DPP10: variants seen among roughly 807,000 people sequenced by gnomAD.
DPP10 encodes inactive dipeptidyl peptidase 10.
A neutral mutation model predicts 120.9 loss-of-function variants in DPP10; 33 were observed. The observed-to-expected ratio is 0.27, with a 90% CI of 0.21 to 0.37. DPP10 has a LOEUF of 0.37. Among genes scored for constraint, DPP10 ranks in the 10% least tolerant of loss-of-function variants. DPP10 has a pLI of 1.00. For synonymous variants in DPP10, 337 were observed against 326.1 expected (o/e 1.03, Z -0.36); for missense variants, 816 against 942.8 (o/e 0.87, Z 1.76).
intron 1 of DPP10, among the ~76,000 whole-genome samples, chr2:114,727,893 A>G (rs1228986699): frequency 1.3e-5 from 2 of 152,208 alleles, no homozygotes; most frequent in African/African-American, 4.8e-5. Flanking sequence ...TGCGGTCAGC[A>G]CATCACTTAA....
At chr2:115,545,041 C>T (rs143574564) in intron 5 of DPP10, among the ~76,000 whole-genome samples, 108 of 151,684 alleles carry the variant, frequency 7.1e-4, no homozygotes, top group African/African-American at 2.2e-3. Flanking sequence ...TAGAATACCT[C>T]GATTTATTAC....
chr2:114,642,162 C>T (rs1300925380), intron 1 of DPP10, among the ~76,000 whole-genome samples: 2 of 151,850 alleles, frequency 1.3e-5, no homozygotes, highest in East Asian at 1.9e-4. Context: ...TATATACTGG[C>T]ATTTAAAAAA....
chr2:115,449,650 T>C (rs142590481), intron 3 of DPP10, among the ~76,000 whole-genome samples: 3 of 152,206 alleles, frequency 2.0e-5, no homozygotes, highest in Admixed American at 6.5e-5. Context: ...ATGGAGAGAT[T>C]GCATCCTTTG....
intron 1 of DPP10, among the ~76,000 whole-genome samples, chr2:115,247,785 G>C (rs569310755): frequency 1.3e-5 from 2 of 152,278 alleles, no homozygotes; most frequent in South Asian, 4.1e-4. Context: ...GGAAAGAAAT[G>C]TGTTTGAGAA....
chr2:115,018,813 C>T (rs1438405017), intron 1 of DPP10, among the ~76,000 whole-genome samples: 3 of 152,168 alleles, frequency 2.0e-5, no homozygotes, highest in Middle Eastern at 3.4e-3. Context: ...TATACCTATG[C>T]AACAAACCTG....
At chr2:115,511,734 T>TTCTTCTTC (rs1558778689) in intron 4 of DPP10, among the ~76,000 whole-genome samples, 1 of 140,330 alleles carries the variant, frequency 7.1e-6, no homozygotes, top group Admixed American at 7.0e-5. Flanking sequence ...TCTTCTTCTT[T>TTCTTCTTC]TTTTTTTTTT....
intron 3 of DPP10, among the ~76,000 whole-genome samples, chr2:115,471,559 G>A (rs2074718310): frequency 6.7e-6 from 1 of 148,858 alleles, no homozygotes; most frequent in Admixed American, 6.9e-5. Flanking sequence ...AAATGGACCA[G>A]GATTCTTCTT....
In DPP10 at chr2:114,871,242, A is replaced by G. The variant is rs772916980; in HGVS notation, c.60+428404A>G. Among the ~76,000 whole-genome samples the G allele has an allele frequency of 1.6e-3, 236 of 151,262 alleles. 27 individuals carry two copies. The highest frequency in any genetic ancestry group is 6.9e-3 in the Middle Eastern group (2 of 288). On this transcript the variant is annotated intron_variant, in intron 1 of 25. Transcript: ENST00000410059. ...TTTGGAAAAAAATCCATCTTTCTCT[A>G]TTATTGGGGGAAAGAACACTGAAGA...
At chr2:114,917,164 A>G (rs1043334097) in intron 1 of DPP10, among the ~76,000 whole-genome samples, 12 of 152,290 alleles carry the variant, frequency 7.9e-5, no homozygotes, top group African/African-American at 2.6e-4. Flanking sequence ...GAGCATTTCT[A>G]TACACCAATA....
intron 1 of DPP10, among the ~76,000 whole-genome samples, chr2:114,931,427 C>T (rs886909253): frequency 4.6e-5 from 7 of 152,144 alleles, no homozygotes; most frequent in Admixed American, 3.3e-4. Context: ...TGAGGCCATG[C>T]CTTGCTCTTT....
intron 1 of DPP10, among the ~76,000 whole-genome samples, chr2:114,667,320 C>T (rs530940379): frequency 2.6e-5 from 4 of 151,920 alleles, no homozygotes; most frequent in Non-Finnish European, 5.9e-5. Context: ...AAAAGTTATT[C>T]GTGAATTATT....
chr2:114,469,592 G>A (rs1316012071), intron 1 of DPP10, among the ~76,000 whole-genome samples: 1 of 152,058 alleles, frequency 6.6e-6, no homozygotes, highest in Non-Finnish European at 1.5e-5. Context: ...GCTGGGAGTG[G>A]TGGTGCATGC....
rs1233590195 is a variant in DPP10 at position 114,979,079 on chromosome 2, T to C, written c.61-330160T>C. 2.0e-5 allele frequency among the ~76,000 whole-genome samples: 3 copies of C among 152,128 alleles called. No homozygotes were observed. In the East Asian group the frequency reaches 5.8e-4, roughly 29 times the overall value. ...TGAGCAATCTCACCATATAGTTTCA[T>C]TGATCTAACAGCTGATCATATTTTC... On this transcript the variant is annotated intron_variant, in intron 1 of 25. Transcript: ENST00000410059.
chr2:115,254,736 G>C (rs538020647), intron 1 of DPP10, among the ~76,000 whole-genome samples: 1 of 152,126 alleles, frequency 6.6e-6, no homozygotes, highest in African/African-American at 2.4e-5. Context: ...CAGGCCCCAC[G>C]CAAGTCTGAA....
chr2:114,893,270 G>A lies in DPP10; in HGVS notation c.61-415969G>A, dbSNP rs181488592. Among the ~76,000 whole-genome samples, 44 of 152,226 alleles carry A rather than the reference G, an allele frequency of 2.9e-4. No homozygotes were observed. The East Asian group carries it at 6.0e-3, about 21-fold the overall frequency. ...TATTATTTACCATGAAATATATTGC[G>A]TATCTATTATGAGTTAAATACTAAT... On this transcript the variant is annotated intron_variant, in intron 1 of 25. Transcript: ENST00000410059.
intron 1 of DPP10, among the ~76,000 whole-genome samples, chr2:115,147,019 C>T (rs946822594): frequency 4.6e-5 from 7 of 151,986 alleles, no homozygotes; most frequent in African/African-American, 1.7e-4. Context: ...ATACTTTGTG[C>T]TAGGTAAATT....
At chr2:115,325,429 G>C (rs2062303196) in intron 2 of DPP10, among the ~76,000 whole-genome samples, 2 of 152,216 alleles carry the variant, frequency 1.3e-5, no homozygotes, top group South Asian at 4.1e-4. Context: ...AACATCTTTT[G>C]AGACTTGAAT....
intron 1 of DPP10, among the ~76,000 whole-genome samples, chr2:114,504,449 T>C (rs1168045843): frequency 6.6e-6 from 1 of 152,140 alleles, no homozygotes; most frequent in African/African-American, 2.4e-5. Context: ...TGAAAAGTAC[T>C]CCAGCCTGCA....
intron 1 of DPP10, among the ~76,000 whole-genome samples, chr2:115,234,911 C>T (rs1395479356): frequency 2.6e-5 from 4 of 152,062 alleles, no homozygotes; most frequent in Admixed American, 2.6e-4. Flanking sequence ...ACATGAAAGT[C>T]GGCTCTTGCT....
Sources: allele counts gnomAD v4.1 joint callset (sites outside exome capture counted in the v4.1 genomes callset), GRCh38; gene constraint gnomAD v4.1.1; transcripts MANE v1.5; gene names NCBI Gene and HGNC (gene_info 2026-07-23, HGNC 2026-07-21).